FAM98A: variants seen among roughly 807,000 people sequenced by gnomAD.
FAM98A encodes the protein tRNA splicing ligase complex subunit 3A, also known as protein FAM98A.
Under a neutral mutation model 62.9 loss-of-function variants are expected in FAM98A, and 25 were observed. The observed-to-expected ratio is 0.40, with a 90% CI of 0.29 to 0.56. The LOEUF (loss-of-function observed/expected upper bound fraction) is 0.56. FAM98A is among the 20% of genes least tolerant of loss of function. The probability of loss-of-function intolerance (pLI) is 0.51; values close to 1 mark genes in which losing one functional copy is unlikely to be tolerated. For synonymous variants in FAM98A, 252 were observed against 228.6 expected, an observed-to-expected ratio of 1.10 and a Z score of -0.92; for missense variants, 653 against 640.7, an observed-to-expected ratio of 1.02 and a Z score of -0.21.
rs564043611 is a variant in FAM98A at position 33,583,673 on chromosome 2, A to G, written c.*1103T>C. On this transcript the variant is annotated 3_prime_UTR_variant, in exon 8 of 8. Coordinates refer to ENST00000238823, the MANE Select transcript of FAM98A (RefSeq NM_015475.5). The stretch of plus-strand genomic sequence containing the variant: ...TCAAACCAAAGAGAGAACTTAACAG[A>G]TACTTTATTGCTCACCTTTCACACA... The G allele has an allele frequency of 6.5e-6, 1 of 152,784 alleles. No homozygotes were observed. The highest frequency in any genetic ancestry group is 1.9e-4 in the East Asian group (1 of 5,188). 9.5% of individuals were successfully genotyped at this position (152,784 alleles called of 1,614,324 possible).
intron 1 of FAM98A, 136 bp from the exon 2 acceptor site, chr2:33,595,773 G>C (rs1572420470): frequency 1.7e-6 from 1 of 577,780 alleles, no homozygotes; most frequent in Non-Finnish European, 2.8e-6. Context: ...ATTTTAAATG[G>C]ACAAATATAA....
At chr2:33,596,891 CAAAAAA>C (rs55741538) in intron 1 of FAM98A, among the ~76,000 whole-genome samples, 5 of 103,458 alleles carry the variant, frequency 4.8e-5, no homozygotes, top group Admixed American at 2.2e-4. Context: ...GACTCCGTAT[CAAAAAA>C]AAAAAAAAAA....
intron 6 of FAM98A, 53 bp downstream of exon 6, chr2:33,586,509 T>C: frequency 1.7e-6 from 2 of 1,199,360 alleles, no homozygotes; most frequent in Non-Finnish European, 2.5e-6. Flanking sequence ...TGTTTAGATG[T>C]TCAGGGATCA....
rs567013204 is a variant in FAM98A, at chr2:33,591,687, A to T, written c.337+393T>A. Among the ~76,000 whole-genome samples the T allele has an allele frequency of 2.6e-5, 4 of 152,326 alleles. No homozygotes were observed. In the South Asian group the frequency reaches 8.3e-4, roughly 32 times the overall value. Reference sequence around the variant, plus strand: ...ACTATTATAAATGCTTACTCTCCTCAAAGAAATGAATTTCTAAACAAAATC... The same window carrying T: ...ACTATTATAAATGCTTACTCTCCTCTAAGAAATGAATTTCTAAACAAAATC... On this transcript the variant is annotated intron_variant, in intron 3 of 7. Transcript: ENST00000238823.
chr2:33,588,897 T>C (rs941006189), intron 3 of FAM98A: 1 of 117,408 alleles, frequency 8.5e-6, no homozygotes, highest in African/African-American at 2.8e-5. Flanking sequence ...TTAATGACAA[T>C]TAATTTTTTT....
chr2:33,586,718 G>T, intron 5 of FAM98A, 40 bp from the exon 6 acceptor site: 4 of 1,338,868 alleles, frequency 3.0e-6, no homozygotes, highest in African/African-American at 1.4e-5. Context: ...GTTTAAATCT[G>T]CTTGATTCTC....
At position 33,599,240 on chromosome 2, in the gene FAM98A, T is replaced by C; in HGVS notation, c.-19A>G. 2 of 1,611,352 alleles carry C rather than the reference T, an allele frequency of 1.2e-6. No homozygotes were observed. The highest frequency in any genetic ancestry group is 1.7e-6 in the Non-Finnish European group (2 of 1,177,458). ...ACTCCATGCTACTGTGGTATTCAAA[T>C]TTCCGAGTCGTCAGGCTCCCCTCTT... On this transcript the variant is annotated 5_prime_UTR_variant, in exon 1 of 8. Transcript: ENST00000238823.
At chr2:33,599,078 G>T in intron 1 of FAM98A, 91 bp downstream of exon 1, 1 of 1,047,092 alleles carries the variant, frequency 9.6e-7, no homozygotes, top group Admixed American at 1.7e-5. Flanking sequence ...GTGCGGCGTG[G>T]AGAGGCAGGT....
At chr2:33,588,237 T>G (rs554849060) in intron 4 of FAM98A, 98 bp downstream of exon 4, 3 of 940,528 alleles carry the variant, frequency 3.2e-6, no homozygotes, top group South Asian at 3.3e-5. Context: ...TATATGCACA[T>G]TAGGTTCCCA....
intron 1 of FAM98A, among the ~76,000 whole-genome samples, chr2:33,598,216 C>T (rs1280262878): frequency 6.6e-6 from 1 of 152,192 alleles, no homozygotes; most frequent in Non-Finnish European, 1.5e-5. Context: ...TCAAAGGTTT[C>T]CTTGTCATGG....
chr2:33,584,660 C>T lies in FAM98A; in HGVS notation c.*116G>A. 1 of 867,362 alleles carries T rather than the reference C, an allele frequency of 1.2e-6. No homozygotes were observed. 53.7% of individuals were successfully genotyped at this position (867,362 alleles called of 1,614,324 possible). On this transcript the variant is annotated 3_prime_UTR_variant, in exon 8 of 8. Coordinates refer to ENST00000238823, the MANE Select transcript of FAM98A (RefSeq NM_015475.5). The stretch of plus-strand genomic sequence containing the variant: ...AAGACCTACAAATGCTTATGCCAAG[C>T]AGGAATCTGCCTGCCACCTGTGGTC...
intron 6 of FAM98A, 21 bp from the exon 7 acceptor site, chr2:33,585,718 A>C (rs1558547110): frequency 1.3e-6 from 2 of 1,594,722 alleles, no homozygotes. Context: ...AAAAGTGTTC[A>C]AAGAGAAATG....
intron 1 of FAM98A, 29 bp downstream of exon 1, chr2:33,599,140 T>C: frequency 1.2e-6 from 2 of 1,600,872 alleles, no homozygotes; most frequent in African/African-American, 1.3e-5. Context: ...AGCGTGGGGC[T>C]TGGGAGACCC....
intron 2 of FAM98A, among the ~76,000 whole-genome samples, 160 bp downstream of exon 2, chr2:33,595,329 A>G (rs1326405035): frequency 1.3e-5 from 2 of 152,132 alleles, no homozygotes; most frequent in African/African-American, 4.8e-5. Context: ...CTTCTGAATC[A>G]CCTCTAAAAA....
intron 1 of FAM98A, among the ~76,000 whole-genome samples, chr2:33,598,912 G>C (rs1392764704): frequency 6.6e-6 from 1 of 152,154 alleles, no homozygotes; most frequent in South Asian, 2.1e-4. Context: ...ACAATGACAC[G>C]CATGACTGAC....
intron 2 of FAM98A, 70 bp from the exon 3 acceptor site, chr2:33,592,284 T>C (rs1027255640): frequency 1.4e-5 from 17 of 1,231,120 alleles, no homozygotes; most frequent in Admixed American, 2.2e-5. Flanking sequence ...AATTATTATA[T>C]ATAATTGAAA....
Position 33,592,151 on chromosome 2 carries a change from G to A in FAM98A, c.266C>T (p.Pro89Leu), listed in dbSNP as rs775015147. The A allele has an allele frequency of 1.9e-6, 3 of 1,613,182 alleles. No homozygotes were observed. Among genetic ancestry groups the A allele is most frequent in the South Asian group, 2.2e-5 (2 of 91,028 alleles). Residue 89 changes from proline to leucine, a missense_variant, in exon 3 of 8, where the codon CCG (proline) becomes CTG (leucine). Transcript: ENST00000238823. ...VSGLLGEMNC[P>L]YLSLTSGDVT... The stretch of plus-strand genomic sequence containing the variant: ...ATCCCCAGATGTCAGTGAAAGATAC[G>A]GGCAGTTCATCTCCCCTAGTAGCCC...
chr2:33,594,479 C>T (rs1001287152), intron 2 of FAM98A, among the ~76,000 whole-genome samples: 4 of 143,800 alleles, frequency 2.8e-5, no homozygotes, highest in Middle Eastern at 3.5e-3. Flanking sequence ...CCATGGCACA[C>T]GTATCCCTAT....
chr2:33,585,711 A>G lies in FAM98A; in HGVS notation c.721-14T>C. On this transcript the variant is annotated splice_polypyrimidine_tract_variant and intron_variant, in intron 6 of 7. Transcript: ENST00000238823. Reference sequence around the variant, plus strand: ...TTCTGTCTGGCTCTGTTGAAAGAAAAGTGTTCAAAGAGAAATGTCAATTTT... The same window carrying G: ...TTCTGTCTGGCTCTGTTGAAAGAAAGGTGTTCAAAGAGAAATGTCAATTTT... 1 of 1,601,276 alleles carries G rather than the reference A, an allele frequency of 6.2e-7. No individual in the cohort carries two copies. The highest frequency in any genetic ancestry group is 8.5e-7 in the Non-Finnish European group (1 of 1,174,828).
Sources: allele counts gnomAD v4.1 joint callset (sites outside exome capture counted in the v4.1 genomes callset), GRCh38; gene constraint gnomAD v4.1.1; transcripts MANE v1.5; gene names NCBI Gene and HGNC (gene_info 2026-07-23, HGNC 2026-07-21).